The following PIEZO2 variants were observed in gnomAD, a reference collection of about 807,000 sequenced individuals.
The protein encoded by PIEZO2 is piezo type mechanosensitive ion channel component 2, also known as piezo-type mechanosensitive ion channel component 2.
Under a neutral mutation model 337.3 loss-of-function variants are expected in PIEZO2, and 172 were observed. The ratio of observed to expected loss-of-function variants is 0.51; its 90% CI spans 0.45 to 0.58. The LOEUF (loss-of-function observed/expected upper bound fraction) is 0.58. Ranked by LOEUF, PIEZO2 falls within the 20% of genes least tolerant of loss-of-function variation. PIEZO2 has a pLI of 0.00. For synonymous variants in PIEZO2, 1,251 were observed against 1,228.5 expected, an observed-to-expected ratio of 1.02 and a Z score of -0.38; for missense variants, 3,028 against 3,391.3, an observed-to-expected ratio of 0.89 and a Z score of 2.66.
chr18:10,843,110 A>G (rs1463493260), intron 7 of PIEZO2, among the ~76,000 whole-genome samples: 2 of 152,188 alleles, frequency 1.3e-5, no homozygotes, highest in African/African-American at 4.8e-5. Context: ...ATACTTCACA[A>G]AGCAGCCAAA....
intron 4 of PIEZO2, among the ~76,000 whole-genome samples, chr18:10,910,357 C>A (rs1418144987): frequency 3.9e-5 from 6 of 152,104 alleles, no homozygotes; most frequent in Non-Finnish European, 7.4e-5. Context: ...CCGAGCTGGG[C>A]GGATCACCTG....
At chr18:10,881,962 G>A (rs1022921728) in intron 4 of PIEZO2, among the ~76,000 whole-genome samples, 1 of 152,114 alleles carries the variant, frequency 6.6e-6, no homozygotes, top group Non-Finnish European at 1.5e-5. Context: ...ATCATCCCAG[G>A]ACAGTGACAG....
chr18:11,083,241 A>C lies in PIEZO2; in HGVS notation c.65-17019T>G, dbSNP rs2038811233. Among the ~76,000 whole-genome samples the C allele has an allele frequency of 6.6e-6, 1 of 152,200 alleles. No homozygotes were observed. Among genetic ancestry groups the C allele is most frequent in the Admixed American group, 6.5e-5 (1 of 15,282 alleles). On this transcript the variant is annotated intron_variant, in intron 1 of 55. Transcript: ENST00000674853. This position sits in a 1 kb window ranked among gnomAD's most constrained non-coding sequence, Gnocchi z 4.4. The stretch of plus-strand genomic sequence containing the variant: ...GAAGACTATAGGGCCAAATGACTTA[A>C]ATGTTTTAACTTCATTTTATGTCCA...
intron 36 of PIEZO2, among the ~76,000 whole-genome samples, chr18:10,722,865 G>A (rs1751648935): frequency 6.6e-6 from 1 of 151,730 alleles, no homozygotes; most frequent in Admixed American, 6.6e-5. Flanking sequence ...AGGTCAGGAA[G>A]GTAAGAATGA....
intron 18 of PIEZO2, among the ~76,000 whole-genome samples, chr18:10,779,757 T>C (rs2038914149): frequency 6.6e-6 from 1 of 152,080 alleles, no homozygotes; most frequent in Non-Finnish European, 1.5e-5. Context: ...TGGGGTTAGG[T>C]GACATGGGGA....
intron 1 of PIEZO2, among the ~76,000 whole-genome samples, chr18:11,100,817 G>T (rs147478074): frequency 6.6e-4 from 100 of 152,212 alleles, no homozygotes; most frequent in African/African-American, 2.0e-3. Flanking sequence ...GGATGGTCTC[G>T]ATCTCCTGAC....
In PIEZO2 at chr18:11,031,916, A is replaced by G. The variant is rs1020571291; in HGVS notation, c.160+34211T>C. Among the ~76,000 whole-genome samples the G allele has an allele frequency of 6.6e-6, 1 of 152,166 alleles. No individual in the cohort carries two copies. Among genetic ancestry groups the G allele is most frequent in the African/African-American group, 2.4e-5 (1 of 41,426 alleles). ...AGCCCAACCCTTTATTCTCACCATCACATTTCCAAGATACGAGACAAAACT... is the reference window on the plus strand; with the variant it reads ...AGCCCAACCCTTTATTCTCACCATCGCATTTCCAAGATACGAGACAAAACT... On this transcript the variant is annotated intron_variant, in intron 2 of 55. Transcript: ENST00000674853. This position sits in a 1 kb window ranked among gnomAD's most constrained non-coding sequence, Gnocchi z 4.7.
intron 27 of PIEZO2, among the ~76,000 whole-genome samples, chr18:10,754,268 T>C (rs2037753311): frequency 6.6e-6 from 1 of 152,218 alleles, no homozygotes; most frequent in Non-Finnish European, 1.5e-5. Context: ...TGGTGACAGG[T>C]ACTGTGGCTA....
At chr18:10,914,369 A>T (rs1209484802) in intron 3 of PIEZO2, among the ~76,000 whole-genome samples, 2 of 152,124 alleles carry the variant, frequency 1.3e-5, no homozygotes, top group Non-Finnish European at 2.9e-5. Flanking sequence ...ATCCACAGGG[A>T]ATTAATTCCA....
chr18:10,812,760 C>T (rs938192513), intron 7 of PIEZO2, among the ~76,000 whole-genome samples: 1 of 152,042 alleles, frequency 6.6e-6, no homozygotes, highest in Non-Finnish European at 1.5e-5. Flanking sequence ...TGACAACATG[C>T]GGTGGTTATG....
At chr18:10,694,565 T>C (rs2035000085) in intron 47 of PIEZO2, among the ~76,000 whole-genome samples, 1 of 152,202 alleles carries the variant, frequency 6.6e-6, no homozygotes, top group South Asian at 2.1e-4. Context: ...GCACAGTGGC[T>C]CATGCCTGCA....
At chr18:10,737,845 T>C (rs1330922920) in intron 33 of PIEZO2, 1 of 152,230 alleles carries the variant, frequency 6.6e-6, no homozygotes, top group Non-Finnish European at 1.5e-5. Context: ...TTGGATGACA[T>C]ATTTTGATCT....
chr18:10,714,658 C>A, intron 39 of PIEZO2, 106 bp downstream of exon 39: 1 of 1,305,274 alleles, frequency 7.7e-7, no homozygotes, highest in Non-Finnish European at 1.0e-6. Context: ...GGGGTCCATG[C>A]ATGGTTTTGA....
In PIEZO2 at chr18:10,962,187, T is replaced by C. The variant is rs189445757; in HGVS notation, c.286+17348A>G. On this transcript the variant is annotated intron_variant, in intron 3 of 55. Transcript: ENST00000674853. The surrounding 1 kb of genome is among the most constrained non-coding windows in gnomAD (Gnocchi z 4.1). ...ATTAGAATTATTTCCAGATGCTCTGTTCAATGAAAGAGTCTTAAAAATAAT... is the reference window on the plus strand; with the variant it reads ...ATTAGAATTATTTCCAGATGCTCTGCTCAATGAAAGAGTCTTAAAAATAAT... Among the ~76,000 whole-genome samples the C allele has an allele frequency of 3.9e-5, 6 of 152,316 alleles. No homozygotes were observed. The highest frequency in any genetic ancestry group is 3.9e-4 in the Admixed American group (6 of 15,298).
chr18:10,690,551 G>A (rs979981393), intron 48 of PIEZO2, among the ~76,000 whole-genome samples: 4 of 152,170 alleles, frequency 2.6e-5, no homozygotes, highest in African/African-American at 4.8e-5. Flanking sequence ...GGCTAGCACT[G>A]TATGAAACAC....
chr18:10,691,655 A>C (rs1164411396), intron 47 of PIEZO2, among the ~76,000 whole-genome samples: 1 of 151,528 alleles, frequency 6.6e-6, no homozygotes, highest in African/African-American at 2.4e-5. Flanking sequence ...AAGTGAATTT[A>C]CTGATAAATA....
intron 7 of PIEZO2, among the ~76,000 whole-genome samples, chr18:10,840,797 A>G (rs1197757596): frequency 6.6e-6 from 1 of 152,316 alleles, no homozygotes; most frequent in East Asian, 1.9e-4. Context: ...TGACAGTTAT[A>G]TTTGGGGTCT....
At chr18:10,798,097 G>A (rs896242319) in intron 11 of PIEZO2, among the ~76,000 whole-genome samples, 1 of 152,212 alleles carries the variant, frequency 6.6e-6, no homozygotes, top group African/African-American at 2.4e-5. Context: ...GCTACACAGT[G>A]AGCCTGGGAG....
rs540914638 is a variant in PIEZO2 at position 10,831,580 on chromosome 18, T to C, written c.917+23773A>G. Among the ~76,000 whole-genome samples, 3 of 152,260 alleles carry C rather than the reference T, an allele frequency of 2.0e-5. No homozygotes were observed. The South Asian group carries it at 6.2e-4, about 32-fold the overall frequency. ...TAGAATGAATAAAATCTAGAGTTGA[T>C]AGCACAACAGGGTGACTACAGTCAA... On this transcript the variant is annotated intron_variant, in intron 7 of 55. Transcript: ENST00000674853.
Sources: gnomAD v4.1 joint callset for allele counts (sites outside exome capture counted in the v4.1 genomes callset) on GRCh38, gnomAD v4.1.1 for gene constraint, Gnocchi (gnomAD v3.1) non-coding constraint, MANE v1.5 for transcripts, NCBI Gene and HGNC (gene_info 2026-07-23, HGNC 2026-07-21) for gene names.